Variants in CEP350 observed in about 807,000 individuals in gnomAD.
CEP350 encodes the protein centrosomal protein 350, also known as centrosome-associated protein 350.
In CEP350, 126 loss-of-function variants were observed where a neutral mutation model predicts 331.8. The ratio of observed to expected loss-of-function variants is 0.38; its 90% CI spans 0.33 to 0.44. The LOEUF (loss-of-function observed/expected upper bound fraction) is 0.44. Ranked by LOEUF, CEP350 falls within the 20% of genes least tolerant of loss-of-function variation. CEP350 has a pLI of 1.00. For synonymous variants in CEP350, 1,200 were observed against 1,259.5 expected (o/e 0.95, Z 1.00); for missense variants, 3,406 against 3,634.6 (o/e 0.94, Z 1.62).
chr1:180,057,784 T>C (rs1320675459), intron 25 of CEP350, among the ~76,000 whole-genome samples: 1 of 152,230 alleles, frequency 6.6e-6, no homozygotes, highest in South Asian at 2.1e-4. Context: ...AGTCTACTTC[T>C]GGTCTGCATT....
intron 34 of CEP350, 31 bp from the exon 35 acceptor site, chr1:180,095,492 G>A (rs1227845200): frequency 1.3e-6 from 2 of 1,573,772 alleles, no homozygotes; most frequent in Non-Finnish European, 1.7e-6. Flanking sequence ...TCCCTAAATG[G>A]TGCTCTGTTT....
Position 180,015,725 on chromosome 1 carries a change from C to CA in CEP350, c.2053-115dup, listed in dbSNP as rs200727906. 3,705 of 1,135,950 alleles carry CA rather than the reference C, an allele frequency of 3.3e-3. 6 individuals carry two copies. Among genetic ancestry groups the CA allele is most frequent in the East Asian group, 0.015 (514 of 35,296 alleles). The allele number at this position is 1,135,950 out of a possible 1,614,324, so 70.4% of individuals were successfully genotyped here. ...ATAAATTTTAATTGGTTTTGTTTGA[C>CA]AAAAAAAAACCACTACATTTTATGA... On this transcript the variant is annotated intron_variant, in intron 10 of 37. Coordinates refer to ENST00000367607, the MANE Select transcript of CEP350 (RefSeq NM_014810.5).
Position 180,094,076 on chromosome 1 carries a change from G to A in CEP350, c.7971G>A (p.Val2657=). The part of the protein sequence containing the change: ...LEAHVHQQSS[V]DSQISSKENK... ...CCCATGTTCACCAGCAGTCTTCAGT[G>A]GATTCACAGATTTCTTCAAAGGAAA... Residue 2657 remains valine (V), a synonymous_variant, in exon 34 of 38, where the codon GTG becomes GTA. Coordinates refer to ENST00000367607, the MANE Select transcript of CEP350 (RefSeq NM_014810.5). 2 of 1,613,874 alleles carry A rather than the reference G, an allele frequency of 1.2e-6. No homozygotes were observed. The highest frequency in any genetic ancestry group is 1.1e-5 in the South Asian group (1 of 91,070).
intron 6 of CEP350, among the ~76,000 whole-genome samples, chr1:180,001,433 A>G (rs919013219): frequency 2.6e-5 from 4 of 151,898 alleles, no homozygotes; most frequent in African/African-American, 4.8e-5. Flanking sequence ...TAATTTTTGT[A>G]TTTTTGGTAG....
intron 36 of CEP350, 73 bp downstream of exon 36, chr1:180,096,257 A>G: frequency 6.8e-7 from 1 of 1,461,978 alleles, no homozygotes; most frequent in Non-Finnish European, 9.1e-7. Context: ...AATGTTGTAA[A>G]AGCAGGTGCT....
chr1:179,958,609 A>C (rs547052827), intron 1 of CEP350, among the ~76,000 whole-genome samples: 1 of 152,206 alleles, frequency 6.6e-6, no homozygotes, highest in Non-Finnish European at 1.5e-5. Flanking sequence ...ACCTAACTGC[A>C]CTACTTTCTA....
chr1:179,994,776 A>G lies in CEP350; in HGVS notation c.396-1777A>G, dbSNP rs144474903. On this transcript the variant is annotated intron_variant, in intron 5 of 37. Transcript: ENST00000367607. ...GCGATCCCATCTTTTTCAATAATCAACCACTCAGAACAGGATCTAAAGTTT... is the reference window on the plus strand; with the variant it reads ...GCGATCCCATCTTTTTCAATAATCAGCCACTCAGAACAGGATCTAAAGTTT... Among the ~76,000 whole-genome samples, 825 of 152,062 alleles carry G rather than the reference A, an allele frequency of 5.4e-3. 1 individual carries two copies. The highest frequency in any genetic ancestry group is 0.031 in the Middle Eastern group (9 of 294).
At chr1:180,022,906 A>G (rs932165488) in intron 13 of CEP350, 58 bp downstream of exon 13, 10 of 1,487,804 alleles carry the variant, frequency 6.7e-6, no homozygotes, top group Non-Finnish European at 8.2e-6. Flanking sequence ...TGTACAAATG[A>G]GAACTCTGGT....
chr1:179,983,297 C>T (rs746945916), intron 1 of CEP350, among the ~76,000 whole-genome samples: 25 of 152,046 alleles, frequency 1.6e-4, no homozygotes, highest in Non-Finnish European at 4.4e-5. Context: ...TGCAGTGGTG[C>T]GATCTTGGCT....
chr1:179,983,000 A>G (rs1458450345), intron 1 of CEP350, among the ~76,000 whole-genome samples: 1 of 151,956 alleles, frequency 6.6e-6, no homozygotes, highest in African/African-American at 2.4e-5. Context: ...TGTGTTGGCC[A>G]GGATGGTCTT....
Position 180,047,558 on chromosome 1 carries a change from A to G in CEP350, c.4623-978A>G, listed in dbSNP as rs963171730. Among the ~76,000 whole-genome samples the G allele has an allele frequency of 1.7e-4, 26 of 151,924 alleles. 1 individual carries two copies. The highest frequency in any genetic ancestry group is 1.6e-3 in the Admixed American group (25 of 15,246). On this transcript the variant is annotated intron_variant, in intron 21 of 37. Transcript: ENST00000367607. ...GATCATCTGAGGTTAGGAGTTCAAG[A>G]TCAGCCTGGCCAACATAGCGAAGCC...
At chr1:180,029,172 A>G (rs913924507) in intron 14 of CEP350, among the ~76,000 whole-genome samples, 1 of 152,210 alleles carries the variant, frequency 6.6e-6, no homozygotes, top group African/African-American at 2.4e-5. Flanking sequence ...TTGCTTTAAG[A>G]TATGGAATAT....
Position 179,986,526 on chromosome 1 carries a change from T to C in CEP350, c.73+272T>C, listed in dbSNP as rs115475500. On this transcript the variant is annotated intron_variant, in intron 2 of 37. Transcript: ENST00000367607. ...TCTGTCCTAATTTCAATAAATGATATAGCCCCAATATAGTTACAGACTTAT... is the reference window on the plus strand; with the variant it reads ...TCTGTCCTAATTTCAATAAATGATACAGCCCCAATATAGTTACAGACTTAT... 6.4e-3 allele frequency among the ~76,000 whole-genome samples: 970 copies of C among 152,316 alleles called. 9 individuals are homozygous for C. Among genetic ancestry groups the C allele is most frequent in the Non-Finnish European group, 9.4e-3 (639 of 68,022 alleles).
intron 30 of CEP350, among the ~76,000 whole-genome samples, chr1:180,081,582 A>G (rs1004344603): frequency 1.3e-5 from 2 of 152,232 alleles, no homozygotes; most frequent in African/African-American, 2.4e-5. Flanking sequence ...TCATCATTAT[A>G]TGAACTGCGT....
chr1:179,997,210 C>T (rs1215301348), intron 6 of CEP350, 35 bp downstream of exon 6: 3 of 1,561,902 alleles, frequency 1.9e-6, no homozygotes, highest in Non-Finnish European at 2.6e-6. Flanking sequence ...CCTCTCCCTG[C>T]TTCTTTGTTC....
intron 22 of CEP350, 128 bp downstream of exon 22, chr1:180,048,833 C>CCAAGGCAGGCGGA: frequency 4.2e-6 from 3 of 718,328 alleles, no homozygotes; most frequent in Non-Finnish European, 6.9e-6. Context: ...CTTTGGGAGG[C>CCAAGGCAGGCGGA]TGAGCTGGGA....
chr1:180,014,397 T>G lies in CEP350; in HGVS notation c.1944T>G (p.Pro648=), dbSNP rs1308339783. The G allele has an allele frequency of 6.2e-7, 1 of 1,602,368 alleles. No individual in the cohort carries two copies. The highest frequency in any genetic ancestry group is 1.3e-5 in the African/African-American group (1 of 74,746). The change falls in exon 10 of 38, where the codon CCT becomes CCG. Residue 648 remains proline (P), a synonymous_variant. Transcript: ENST00000367607. ...EAFTKVKNVP[P]SEPSATRRLQ... The stretch of plus-strand genomic sequence containing the variant: ...TTACTAAAGTAAAAAATGTCCCTCC[T>G]TCTGAGCCATCAGCAACTAGGCGAC...
chr1:179,976,979 G>A (rs1281247963), intron 1 of CEP350, among the ~76,000 whole-genome samples: 1 of 152,130 alleles, frequency 6.6e-6, no homozygotes, highest in Non-Finnish European at 1.5e-5. Flanking sequence ...TTTCTTTGGG[G>A]CCACTTTTAT....
At chr1:179,969,819 T>C (rs1252921787) in intron 1 of CEP350, among the ~76,000 whole-genome samples, 1 of 151,960 alleles carries the variant, frequency 6.6e-6, no homozygotes, top group Non-Finnish European at 1.5e-5. Context: ...CACTGAAAAA[T>C]CTACTTCCTA....
Sources: gnomAD v4.1 joint callset for allele counts (sites outside exome capture counted in the v4.1 genomes callset) on GRCh38, gnomAD v4.1.1 for gene constraint, MANE v1.5 for transcripts, NCBI Gene and HGNC (gene_info 2026-07-23, HGNC 2026-07-21) for gene names.